The following DOCK10 variants were observed in gnomAD, a reference collection of about 807,000 sequenced individuals.
The protein encoded by DOCK10 is dedicator of cytokinesis 10.
DOCK10 carries 145 observed loss-of-function variants against 280.1 expected under a neutral mutation model. The observed-to-expected ratio is 0.52, with a 90% CI of 0.45 to 0.59. The LOEUF is 0.59. Ranked by LOEUF, DOCK10 falls within the 20% of genes least tolerant of loss-of-function variation. DOCK10 has a pLI of 0.00. For missense variants in DOCK10, 2,368 were observed against 2,651.7 expected, an observed-to-expected ratio of 0.89 and a Z score of 2.35; for synonymous variants, 915 against 942.2, an observed-to-expected ratio of 0.97 and a Z score of 0.53.
intron 28 of DOCK10, among the ~76,000 whole-genome samples, 174 bp downstream of exon 28, chr2:224,823,327 A>C (rs1694631252): frequency 6.6e-6 from 1 of 152,166 alleles, no homozygotes; most frequent in African/African-American, 2.4e-5. Flanking sequence ...CAAATTGAAA[A>C]AAAAAATTAA....
In DOCK10 at chr2:224,874,750, A is replaced by G. The variant is rs1371285030; in HGVS notation, c.933T>C (p.Asp311=). 2 of 1,613,476 alleles carry G rather than the reference A, an allele frequency of 1.2e-6. No individual in the cohort carries two copies. Among genetic ancestry groups the G allele is most frequent in the Non-Finnish European group, 1.7e-6 (2 of 1,179,454 alleles). The change falls in exon 9 of 56, where the codon GAT becomes GAC. Residue 311 remains aspartate (D), a splice_region_variant and synonymous_variant. Transcript: ENST00000258390. ...RSTELTDLGL[D]SLDNSVTCEC... is the part of the protein sequence containing the mutation. Reference sequence around the variant, plus strand: ...CACAAGTTACAGAATTATCCAGCGAATCTTAAAAAGATATACCAAGTCAGG... The same window carrying G: ...CACAAGTTACAGAATTATCCAGCGAGTCTTAAAAAGATATACCAAGTCAGG...
At chr2:224,940,820 A>T (rs1184572205) in intron 1 of DOCK10, among the ~76,000 whole-genome samples, 2 of 152,112 alleles carry the variant, frequency 1.3e-5, no homozygotes, top group Non-Finnish European at 2.9e-5. Flanking sequence ...GTTCCGGCAA[A>T]CCCCTGCAAT....
chr2:224,886,325 A>G (rs1300727418), intron 5 of DOCK10, 134 bp downstream of exon 5: 4 of 1,478,310 alleles, frequency 2.7e-6, no homozygotes, highest in Non-Finnish European at 3.7e-6. Flanking sequence ...AACGTGACTC[A>G]TTTTGACTAA....
intron 1 of DOCK10, among the ~76,000 whole-genome samples, chr2:225,008,269 G>A (rs1196883274): frequency 5.9e-4 from 90 of 152,090 alleles, no homozygotes; most frequent in Non-Finnish European, 2.4e-4. Context: ...GAGTAGCTAG[G>A]ACTACAGGCA....
intron 3 of DOCK10, among the ~76,000 whole-genome samples, chr2:224,915,879 T>C (rs1363365437): frequency 6.6e-6 from 1 of 152,256 alleles, no homozygotes; most frequent in East Asian, 1.9e-4. Context: ...AGGCCTCTTA[T>C]ACACCAATAA....
chr2:224,870,971 C>T (rs781404128), intron 11 of DOCK10, among the ~76,000 whole-genome samples: 1 of 151,774 alleles, frequency 6.6e-6, no homozygotes, highest in African/African-American at 2.4e-5. Flanking sequence ...GGACTACAGG[C>T]GTGTGCCACT....
intron 1 of DOCK10, among the ~76,000 whole-genome samples, chr2:224,986,853 A>C (rs774169937): frequency 1.3e-5 from 2 of 152,134 alleles, no homozygotes; most frequent in African/African-American, 2.4e-5. Flanking sequence ...CAATACAAGG[A>C]CCTTGCCTGG....
intron 5 of DOCK10, 50 bp from the exon 6 acceptor site, chr2:224,886,235 T>A: frequency 6.2e-7 from 1 of 1,605,732 alleles, no homozygotes; most frequent in East Asian, 2.2e-5. Flanking sequence ...GGATCCTAGA[T>A]CCTAGACACT....
chr2:224,852,340 C>G, intron 18 of DOCK10, 37 bp downstream of exon 18: 3 of 1,525,544 alleles, frequency 2.0e-6, no homozygotes, highest in Non-Finnish European at 2.7e-6. Flanking sequence ...ACCTGCCTTC[C>G]CACTTTATGC....
At position 224,787,402 on chromosome 2, in the gene DOCK10, A is replaced by G. The variant is rs1691807453; in HGVS notation, c.5419-5T>C. Reference sequence around the variant, plus strand: ...TAGCTGCTCCACCAGGATATTCTGCAATTCCCCCAATCAAAATAAGATTTT... The same window carrying G: ...TAGCTGCTCCACCAGGATATTCTGCGATTCCCCCAATCAAAATAAGATTTT... On this transcript the variant is annotated splice_region_variant and splice_polypyrimidine_tract_variant and intron_variant, in intron 48 of 55. Transcript: ENST00000258390. The G allele has an allele frequency of 6.2e-7, 1 of 1,613,492 alleles. No individual in the cohort carries two copies. Among genetic ancestry groups the G allele is most frequent in the Non-Finnish European group, 8.5e-7 (1 of 1,179,766 alleles).
intron 48 of DOCK10, among the ~76,000 whole-genome samples, 156 bp downstream of exon 48, chr2:224,788,908 A>G (rs1193625589): frequency 1.3e-5 from 2 of 152,234 alleles, no homozygotes; most frequent in African/African-American, 2.4e-5. Context: ...TCTGGTATCT[A>G]CTAATCTTGG....
At chr2:224,919,996 G>A (rs1701599033) in intron 2 of DOCK10, among the ~76,000 whole-genome samples, 1 of 152,212 alleles carries the variant, frequency 6.6e-6, no homozygotes, top group South Asian at 2.1e-4. Flanking sequence ...ATAGTGCCAC[G>A]GATGGAACAG....
intron 22 of DOCK10, among the ~76,000 whole-genome samples, chr2:224,843,735 T>A (rs1023623519): frequency 3.3e-5 from 5 of 152,236 alleles, no homozygotes; most frequent in African/African-American, 1.2e-4. Flanking sequence ...ATAGTTTATA[T>A]CTGTTGCCAG....
At position 225,035,563 on chromosome 2, in the gene DOCK10, TATATATATA is replaced by T. The variant is rs1193062050; in HGVS notation, c.123+6680_123+6688del. 1.6e-4 allele frequency among the ~76,000 whole-genome samples: 9 copies of T among 55,912 alleles called. 1 individual carries two copies. The highest frequency in any genetic ancestry group is 6.5e-4 in the East Asian group (1 of 1,532). 36.7% of individuals were successfully genotyped at this position (55,912 alleles called of 152,430 possible). On this transcript the variant is annotated intron_variant, in intron 1 of 55. Transcript: ENST00000258390. ...TATATTATATATATATATATATATA[TATATATATA>T]TATATATATATATATAACACTGAAT...
intron 7 of DOCK10, among the ~76,000 whole-genome samples, chr2:224,881,750 T>C (rs1329507381): frequency 6.6e-6 from 1 of 152,184 alleles, no homozygotes; most frequent in Non-Finnish European, 1.5e-5. Flanking sequence ...TTCTCGGAAG[T>C]GAGATTTTCA....
chr2:224,950,141 G>A (rs1357237932), intron 1 of DOCK10, among the ~76,000 whole-genome samples: 2 of 152,220 alleles, frequency 1.3e-5, no homozygotes, highest in East Asian at 3.8e-4. Context: ...GTAGCTACAT[G>A]CAGGCTGGAT....
intron 22 of DOCK10, among the ~76,000 whole-genome samples, chr2:224,843,899 C>A (rs1455218753): frequency 6.6e-6 from 1 of 152,102 alleles, no homozygotes; most frequent in Non-Finnish European, 1.5e-5. Context: ...TCCTTTGGAT[C>A]ACATTTGCTA....
chr2:224,866,754 G>T (rs1697935622), intron 11 of DOCK10, among the ~76,000 whole-genome samples: 2 of 152,084 alleles, frequency 1.3e-5, no homozygotes, highest in Non-Finnish European at 2.9e-5. Flanking sequence ...ATGGATTACT[G>T]TTTTACTCAA....
intron 15 of DOCK10, among the ~76,000 whole-genome samples, chr2:224,856,546 C>T (rs910803966): frequency 6.6e-5 from 10 of 152,210 alleles, no homozygotes; most frequent in African/African-American, 2.4e-4. Flanking sequence ...GCTCTTCTCA[C>T]TCAGATGTGC....
Sources: allele counts gnomAD v4.1 joint callset (sites outside exome capture counted in the v4.1 genomes callset), GRCh38; gene constraint gnomAD v4.1.1; transcripts MANE v1.5; gene names NCBI Gene and HGNC (gene_info 2026-07-23, HGNC 2026-07-21).